SLC25A12: variants seen among roughly 807,000 people sequenced by gnomAD.
The protein encoded by SLC25A12 is solute carrier family 25 member 12, also known as electrogenic aspartate/glutamate antiporter SLC25A12, mitochondrial.
A neutral mutation model predicts 83.3 loss-of-function variants in SLC25A12; 32 were observed. The observed-to-expected ratio is 0.38, with a 90% CI of 0.29 to 0.52. The LOEUF (loss-of-function observed/expected upper bound fraction) is 0.52. Ranked by LOEUF, SLC25A12 falls within the 20% of genes least tolerant of loss-of-function variation. SLC25A12 has a pLI of 0.84. For missense variants in SLC25A12, 611 were observed against 835.6 expected (o/e 0.73, Z 3.31); for synonymous variants, 267 against 291.1 (o/e 0.92, Z 0.84).
chr2:171,790,581 GAGC>G (rs1256358644), intron 15 of SLC25A12, among the ~76,000 whole-genome samples: 1 of 152,098 alleles, frequency 6.6e-6, no homozygotes, highest in African/African-American at 2.4e-5. Flanking sequence ...GACATTTATT[GAGC>G]ACCTATTACT....
At chr2:171,819,777 C>A (rs1288101274) in intron 9 of SLC25A12, among the ~76,000 whole-genome samples, 2 of 151,826 alleles carry the variant, frequency 1.3e-5, no homozygotes. Flanking sequence ...GCTCATGAAT[C>A]CAAAATTCAA....
At chr2:171,819,845 C>T (rs1468082050) in intron 9 of SLC25A12, among the ~76,000 whole-genome samples, 1 of 151,994 alleles carries the variant, frequency 6.6e-6, no homozygotes, top group Non-Finnish European at 1.5e-5. Context: ...GTCTAAGGAA[C>T]GCTATACACA....
At chr2:171,793,580 C>A in intron 14 of SLC25A12, 47 bp downstream of exon 14, 2 of 1,588,624 alleles carry the variant, frequency 1.3e-6, no homozygotes, top group Non-Finnish European at 1.7e-6. Flanking sequence ...CTGGTTTCCA[C>A]ATTCTTTCAT....
intron 7 of SLC25A12, among the ~76,000 whole-genome samples, 171 bp downstream of exon 7, chr2:171,834,556 G>GTA (rs2105886382): frequency 6.6e-6 from 1 of 152,242 alleles, no homozygotes; most frequent in South Asian, 2.1e-4. Flanking sequence ...CCTGACCTCA[G>GTA]TATCACATTA....
intron 5 of SLC25A12, among the ~76,000 whole-genome samples, chr2:171,839,957 G>C (rs1684637373): frequency 6.6e-6 from 1 of 152,194 alleles, no homozygotes; most frequent in Non-Finnish European, 1.5e-5. Context: ...GAGGTCTACT[G>C]TCTGAGGAGT....
chr2:171,814,909 G>C (rs1186184095), intron 10 of SLC25A12, among the ~76,000 whole-genome samples: 1 of 152,140 alleles, frequency 6.6e-6, no homozygotes, highest in Admixed American at 6.5e-5. Flanking sequence ...TCATTACAGA[G>C]GTTCTGTCCT....
chr2:171,791,514 G>A lies in SLC25A12; in HGVS notation c.1522C>T (p.Leu508Phe), dbSNP rs774455443. Reference sequence around the variant, plus strand: ...ACGTGTCCATTTTCATCAGCCAGAAGTAGTTTGCAATGAGCATAAACAGGA... The same window carrying A: ...ACGTGTCCATTTTCATCAGCCAGAAATAGTTTGCAATGAGCATAAACAGGA... ...YFPVYAHCKL[L>F]LADENGHVGG... Residue 508 changes from leucine (L) to phenylalanine (F), a missense_variant, in exon 15 of 18, where the codon CTT becomes TTT. This residue lies in a region of SLC25A12 where 540 missense variants were observed against 777.5 expected (regional missense o/e 0.69). Transcript: ENST00000422440. 5 of 1,613,748 alleles carry A rather than the reference G, an allele frequency of 3.1e-6. No homozygotes were observed. The highest frequency in any genetic ancestry group is 1.7e-5 in the Admixed American group (1 of 59,982).
chr2:171,849,507 C>G (rs962199756), intron 4 of SLC25A12, among the ~76,000 whole-genome samples: 1 of 139,598 alleles, frequency 7.2e-6, no homozygotes. Context: ...ATTTTCATTT[C>G]TTTTTATGAA....
chr2:171,846,066 TAGC>T (rs1286018389), intron 4 of SLC25A12, among the ~76,000 whole-genome samples: 2 of 152,152 alleles, frequency 1.3e-5, no homozygotes, highest in Admixed American at 6.5e-5. Flanking sequence ...ATAATAAAGA[TAGC>T]AGAAAATATT....
intron 15 of SLC25A12, among the ~76,000 whole-genome samples, chr2:171,789,592 G>A (rs1044370786): frequency 2.0e-5 from 3 of 152,146 alleles, no homozygotes; most frequent in Non-Finnish European, 2.9e-5. Flanking sequence ...AGGTGTCCTT[G>A]GCTGCACCAA....
At chr2:171,833,803 T>G (rs143071001) in intron 8 of SLC25A12, among the ~76,000 whole-genome samples, 160 bp downstream of exon 8, 2 of 152,024 alleles carry the variant, frequency 1.3e-5, no homozygotes, top group Non-Finnish European at 2.9e-5. Flanking sequence ...TTCCTCTCCT[T>G]TGTTACATCT....
rs989918231 is a variant in SLC25A12, at chr2:171,856,037, C to G, written c.210-88G>C. 3 of 789,276 alleles carry G rather than the reference C, an allele frequency of 3.8e-6. No individual in the cohort carries two copies. The African/African-American group carries it at 5.1e-5, about 13-fold the overall frequency. The allele number at this position is 789,276 out of a possible 1,614,324, so 48.9% of individuals were successfully genotyped here. On this transcript the variant is annotated intron_variant, in intron 3 of 17. Coordinates refer to ENST00000422440, the MANE Select transcript of SLC25A12 (RefSeq NM_003705.5). ...TGCCTTTACTATATAAACTGTAGCTCAGGGTAACCAAATAATTGATAAAGG... is the reference window on the plus strand; with the variant it reads ...TGCCTTTACTATATAAACTGTAGCTGAGGGTAACCAAATAATTGATAAAGG...
intron 4 of SLC25A12, chr2:171,845,896 C>T (rs1274450955): frequency 4.6e-6 from 2 of 432,652 alleles, no homozygotes; most frequent in African/African-American, 4.1e-5. Context: ...TTCAATAGGT[C>T]AAGCGTTTTC....
intron 4 of SLC25A12, among the ~76,000 whole-genome samples, chr2:171,847,446 C>T (rs570606680): frequency 6.6e-6 from 1 of 152,194 alleles, no homozygotes; most frequent in Admixed American, 6.5e-5. Context: ...TTATGTTACC[C>T]AGCTTTATCA....
At chr2:171,805,467 G>A (rs978996115) in intron 13 of SLC25A12, among the ~76,000 whole-genome samples, 1 of 152,146 alleles carries the variant, frequency 6.6e-6, no homozygotes, top group Admixed American at 6.5e-5. Flanking sequence ...ATGAGTAAGT[G>A]AATATATGAA....
At chr2:171,878,504 T>C (rs1170052720) in intron 2 of SLC25A12, among the ~76,000 whole-genome samples, 1 of 152,216 alleles carries the variant, frequency 6.6e-6, no homozygotes, top group Non-Finnish European at 1.5e-5. Flanking sequence ...TTCTAACCTT[T>C]CATCTCTCTC....
intron 2 of SLC25A12, among the ~76,000 whole-genome samples, chr2:171,886,436 T>C (rs1214612679): frequency 1.3e-5 from 2 of 149,078 alleles, no homozygotes; most frequent in Admixed American, 1.4e-4. Context: ...TTTTGCCACG[T>C]TGCCTAGGCT....
At chr2:171,862,293 T>C in intron 3 of SLC25A12, among the ~76,000 whole-genome samples, 1 of 152,232 alleles carries the variant, frequency 6.6e-6, no homozygotes. Context: ...TTAGATTAGA[T>C]CACACAATTA....
intron 9 of SLC25A12, among the ~76,000 whole-genome samples, chr2:171,821,201 T>G (rs1438935093): frequency 4.0e-5 from 6 of 151,642 alleles, no homozygotes; most frequent in Non-Finnish European, 7.4e-5. Flanking sequence ...GGCTAAATTT[T>G]TTGTATTTTT....
Sources: gnomAD v4.1 joint callset for allele counts (sites outside exome capture counted in the v4.1 genomes callset) on GRCh38, gnomAD v4.1.1 for gene constraint, gnomAD v4.1.1 regional missense constraint, MANE v1.5 for transcripts, NCBI Gene and HGNC (gene_info 2026-07-23, HGNC 2026-07-21) for gene names.